COL13A1: variants seen among roughly 807,000 people sequenced by gnomAD.
The protein encoded by COL13A1 is collagen type XIII alpha 1 chain, also known as collagen alpha-1(XIII) chain.
Under a neutral mutation model 130.9 loss-of-function variants are expected in COL13A1, and 89 were observed. That is an observed-to-expected ratio of 0.68 (90% confidence interval 0.57 to 0.81). COL13A1 has a LOEUF of 0.81. Ranked by LOEUF, COL13A1 falls within the 30% of genes least tolerant of loss-of-function variation. The pLI is 0.00. For synonymous variants in COL13A1, 402 were observed against 341.6 expected, an observed-to-expected ratio of 1.18 and a Z score of -1.95; for missense variants, 879 against 934.6, an observed-to-expected ratio of 0.94 and a Z score of 0.78.
chr10:69,852,332 C>G lies in COL13A1; in HGVS notation c.365-15466C>G, dbSNP rs60277652. Among the ~76,000 whole-genome samples the G allele has an allele frequency of 1.9e-3, 284 of 152,350 alleles. 4 individuals are homozygous for G. The East Asian group carries it at 0.049, about 26-fold the overall frequency. ...AGATAATAATAATAATAAGCCAATA[C>G]TTGTATGGTGCTTATTATGTGTCAG... On this transcript the variant is annotated intron_variant, in intron 2 of 40. Coordinates refer to ENST00000645393, the MANE Select transcript of COL13A1 (RefSeq NM_001368882.1).
At chr10:69,906,760 C>T (rs1046698492) in intron 17 of COL13A1, among the ~76,000 whole-genome samples, 2 of 151,930 alleles carry the variant, frequency 1.3e-5, no homozygotes, top group Non-Finnish European at 2.9e-5. Context: ...GAGACAGAGT[C>T]TAACTCTGTC....
chr10:69,892,755 A>G (rs764296901), intron 10 of COL13A1, among the ~76,000 whole-genome samples: 1 of 152,198 alleles, frequency 6.6e-6, no homozygotes, highest in Non-Finnish European at 1.5e-5. Context: ...ACCTCGACAT[A>G]ATTAAGAGAA....
rs529997084 is a variant in COL13A1 at position 69,945,706 on chromosome 10, G to C, written c.2004G>C (p.Thr668=). Residue 668 remains threonine, a synonymous_variant, in exon 37 of 41, where the codon ACG becomes ACC. Transcript: ENST00000645393. ...SKGDPGMTGP[T]GAAGLPGLHG... ...GAGACCCTGGGATGACAGGACCAAC[G>C]GGAGCAGCTGGGCTTCCTGTGAGTC... is the stretch of plus-strand genomic sequence containing the variant. 6.8e-6 allele frequency: 11 copies of C among 1,612,512 alleles called. No homozygotes were observed. The highest frequency in any genetic ancestry group is 9.3e-6 in the Non-Finnish European group (11 of 1,179,370).
At chr10:69,863,370 G>A (rs1433040470) in intron 2 of COL13A1, among the ~76,000 whole-genome samples, 2 of 152,184 alleles carry the variant, frequency 1.3e-5, no homozygotes, top group African/African-American at 2.4e-5. Context: ...AGGGGAGCCC[G>A]TGATGCACAG....
At chr10:69,844,434 G>A (rs1852449381) in intron 2 of COL13A1, among the ~76,000 whole-genome samples, 1 of 152,180 alleles carries the variant, frequency 6.6e-6, no homozygotes, top group South Asian at 2.1e-4. Flanking sequence ...AGCCTGTGGA[G>A]ATACAGAGAG....
chr10:69,909,996 C>G (rs1377828252), intron 17 of COL13A1, among the ~76,000 whole-genome samples: 2 of 152,218 alleles, frequency 1.3e-5, no homozygotes, highest in African/African-American at 4.8e-5. Context: ...TGTGGCCAGT[C>G]TGTCTTTGCA....
At chr10:69,807,251 C>T (rs1841838806) in intron 1 of COL13A1, among the ~76,000 whole-genome samples, 1 of 152,144 alleles carries the variant, frequency 6.6e-6, no homozygotes, top group African/African-American at 2.4e-5. Flanking sequence ...AAGGGACTGA[C>T]ATTCACACCA....
intron 2 of COL13A1, among the ~76,000 whole-genome samples, chr10:69,848,022 A>G (rs1417725741): frequency 6.6e-6 from 1 of 152,166 alleles, no homozygotes; most frequent in African/African-American, 2.4e-5. Flanking sequence ...TCCTCTTCCC[A>G]GCTTGTCTAG....
chr10:69,916,864 G>C (rs1489242000), intron 17 of COL13A1, among the ~76,000 whole-genome samples: 5 of 152,176 alleles, frequency 3.3e-5, no homozygotes, highest in African/African-American at 1.2e-4. Flanking sequence ...AAAGCTGCTG[G>C]AGTGAAAATG....
intron 7 of COL13A1, among the ~76,000 whole-genome samples, chr10:69,887,221 G>A (rs2060677571): frequency 1.3e-5 from 2 of 152,176 alleles, no homozygotes; most frequent in East Asian, 3.9e-4. Flanking sequence ...TAGACCCAGA[G>A]GATGCTGGCC....
In COL13A1 at chr10:69,908,158, G is replaced by A. The variant is rs115938874; in HGVS notation, c.921+2336G>A. Among the ~76,000 whole-genome samples the A allele has an allele frequency of 3.7e-3, 571 of 152,310 alleles. 7 individuals carry two copies. Among genetic ancestry groups the A allele is most frequent in the African/African-American group, 0.013 (554 of 41,574 alleles). ...AGGAGAAAAGAGGCAGGAAGGAAAGGCAGCAGCAGGAGAGGGGCAGAAATG... is the reference window on the plus strand; with the variant it reads ...AGGAGAAAAGAGGCAGGAAGGAAAGACAGCAGCAGGAGAGGGGCAGAAATG... On this transcript the variant is annotated intron_variant, in intron 17 of 40. Transcript: ENST00000645393.
Position 69,924,525 on chromosome 10 carries a change from C to A in COL13A1, c.1285-438C>A, listed in dbSNP as rs556414855. Among the ~76,000 whole-genome samples the A allele has an allele frequency of 1.0e-3, 152 of 151,888 alleles. 2 individuals carry two copies. The highest frequency in any genetic ancestry group is 3.6e-3 in the African/African-American group (148 of 41,398). On this transcript the variant is annotated intron_variant, in intron 24 of 40. Transcript: ENST00000645393. ...TTCACTCGGCATTCTGGGTCTTTCA[C>A]AAGTAGAGTAGGCAGCAAAAGAACT...
At chr10:69,904,615 A>G (rs533932065) in intron 15 of COL13A1, among the ~76,000 whole-genome samples, 1 of 152,308 alleles carries the variant, frequency 6.6e-6, no homozygotes, top group East Asian at 1.9e-4. Context: ...AGGTGGGTGA[A>G]TGAGGATCTG....
intron 1 of COL13A1, among the ~76,000 whole-genome samples, chr10:69,808,891 A>G (rs1842275094): frequency 6.6e-6 from 1 of 152,214 alleles, no homozygotes; most frequent in South Asian, 2.1e-4. Flanking sequence ...GGTGTTTCTC[A>G]GCAACCAGCA....
At chr10:69,931,054 C>A in intron 30 of COL13A1, 1 of 400,228 alleles carries the variant, frequency 2.5e-6, no homozygotes, top group Non-Finnish European at 5.1e-6. Flanking sequence ...CCATCCTAGA[C>A]ACCTACCCTT....
intron 17 of COL13A1, among the ~76,000 whole-genome samples, chr10:69,910,127 C>T (rs1028689483): frequency 1.3e-5 from 2 of 152,154 alleles, no homozygotes; most frequent in Non-Finnish European, 2.9e-5. Flanking sequence ...GGGCTGTCCC[C>T]CTACCTCCCT....
At chr10:69,838,100 G>A (rs1272247587) in intron 2 of COL13A1, among the ~76,000 whole-genome samples, 1 of 152,176 alleles carries the variant, frequency 6.6e-6, no homozygotes, top group Non-Finnish European at 1.5e-5. Context: ...GCAGGGCAAG[G>A]TCTGCGCCTG....
intron 26 of COL13A1, among the ~76,000 whole-genome samples, chr10:69,926,422 C>A (rs2065366976): frequency 6.6e-6 from 1 of 152,120 alleles, no homozygotes; most frequent in South Asian, 2.1e-4. Flanking sequence ...GCAGCAGCGT[C>A]CCCAGTCTCT....
chr10:69,945,019 T>C (rs2068269588), intron 36 of COL13A1, among the ~76,000 whole-genome samples: 1 of 152,220 alleles, frequency 6.6e-6, no homozygotes, highest in Non-Finnish European at 1.5e-5. Context: ...GGAATGGGCA[T>C]GTCCGAGGGT....
Sources: allele counts gnomAD v4.1 joint callset (sites outside exome capture counted in the v4.1 genomes callset), GRCh38; gene constraint gnomAD v4.1.1; transcripts MANE v1.5; gene names NCBI Gene and HGNC (gene_info 2026-07-23, HGNC 2026-07-21).